The following GPHN variants were observed in gnomAD, a reference collection of about 807,000 sequenced individuals.
GPHN encodes the protein gephyrin.
A neutral mutation model predicts 95.5 loss-of-function variants in GPHN; 17 were observed. The observed-to-expected ratio is 0.18, with a 90% CI of 0.12 to 0.27. The LOEUF is 0.27. Ranked by LOEUF, GPHN falls within the 10% of genes least tolerant of loss-of-function variation. GPHN has a pLI of 1.00. For synonymous variants in GPHN, 320 were observed against 322.5 expected, an observed-to-expected ratio of 0.99 and a Z score of 0.08; for missense variants, 660 against 978.1, an observed-to-expected ratio of 0.67 and a Z score of 4.34.
chr14:66,885,837 T>TAA (rs1421887904), intron 5 of GPHN, among the ~76,000 whole-genome samples: 7 of 121,490 alleles, frequency 5.8e-5, no homozygotes, highest in Admixed American at 8.1e-5. Context: ...TTATAACAAT[T>TAA]TAAAAAAAAA....
chr14:67,243,965 A>G, the GPHN span, among the ~76,000 whole-genome samples: 3 of 152,204 alleles, frequency 2.0e-5, no homozygotes, highest in Non-Finnish European at 4.4e-5. Flanking sequence ...TTGGAACTAC[A>G]TGAATGCTAA....
intron 2 of GPHN, among the ~76,000 whole-genome samples, chr14:66,695,771 G>A (rs955810482): frequency 6.6e-6 from 1 of 152,164 alleles, no homozygotes; most frequent in Non-Finnish European, 1.5e-5. Context: ...GCTACACATT[G>A]TAAGTATCCA....
the GPHN span, chr14:67,724,485 T>G: frequency 3.1e-6 from 5 of 1,609,822 alleles, no homozygotes; most frequent in Non-Finnish European, 4.2e-6. Flanking sequence ...AGTTCTTTGC[T>G]GGTGGAGTGT....
chr14:67,032,967 A>C (rs998110882), intron 10 of GPHN, among the ~76,000 whole-genome samples: 1 of 152,240 alleles, frequency 6.6e-6, no homozygotes, highest in Non-Finnish European at 1.5e-5. Context: ...AATAATTCAA[A>C]ATAATTACCT....
At chr14:66,838,670 A>G (rs1036349012) in intron 4 of GPHN, among the ~76,000 whole-genome samples, 5 of 152,186 alleles carry the variant, frequency 3.3e-5, no homozygotes, top group Non-Finnish European at 7.4e-5. Flanking sequence ...ATATTTATCT[A>G]GAGACATAGT....
chr14:67,293,098 TTA>T, the GPHN span, among the ~76,000 whole-genome samples: 2 of 152,238 alleles, frequency 1.3e-5, no homozygotes, highest in Admixed American at 6.5e-5. Context: ...TAATCAGGCA[TTA>T]TATAACGCCT....
chr14:67,099,678 G>A (rs1462941808), intron 12 of GPHN, among the ~76,000 whole-genome samples: 2 of 151,912 alleles, frequency 1.3e-5, no homozygotes, highest in African/African-American at 2.4e-5. Context: ...GCTAACCAAA[G>A]CCATTTATGC....
the GPHN span, among the ~76,000 whole-genome samples, chr14:67,277,679 G>A: frequency 6.6e-6 from 1 of 152,054 alleles, no homozygotes. Flanking sequence ...CTGAGAAATA[G>A]CTTGATGAAA....
intron 1 of GPHN, among the ~76,000 whole-genome samples, chr14:66,631,685 T>A (rs1331662111): frequency 6.6e-6 from 1 of 152,150 alleles, no homozygotes; most frequent in Non-Finnish European, 1.5e-5. Context: ...GTAGGAGGAT[T>A]TTTTATTGTA....
In GPHN at chr14:67,141,789, C is replaced by T. The variant is rs567375012; in HGVS notation, c.1749-1573C>T. On this transcript the variant is annotated intron_variant, in intron 17 of 22. Coordinates refer to ENST00000478722, the MANE Select transcript of GPHN (RefSeq NM_020806.5). ...TCTCAAGTTCTGCCTACCTCTGTCA[C>T]ACCTGGATAAAAATTGAAATTATAT... Among the ~76,000 whole-genome samples, 27 of 152,304 alleles carry T rather than the reference C, an allele frequency of 1.8e-4. 1 individual carries two copies. The South Asian group carries it at 5.6e-3, about 32-fold the overall frequency.
intron 9 of GPHN, among the ~76,000 whole-genome samples, chr14:66,972,358 A>G (rs147454066): frequency 0.015 from 2,286 of 151,976 alleles, 33 homozygotes; most frequent in Non-Finnish European, 0.018. Context: ...TCTTAAATTG[A>G]CAGACTTTGT....
Position 66,559,517 on chromosome 14 carries a change from T to G in GPHN, c.64+50926T>G, listed in dbSNP as rs561931478. ...ATGATGAGCATTTTTTCATGTGTTTTTTGGCTGCATAAATGTCTTCTTTTG... is the reference window on the plus strand; with the variant it reads ...ATGATGAGCATTTTTTCATGTGTTTGTTGGCTGCATAAATGTCTTCTTTTG... On this transcript the variant is annotated intron_variant, in intron 1 of 22. Coordinates refer to ENST00000478722, the MANE Select transcript of GPHN (RefSeq NM_020806.5). 4.6e-5 allele frequency among the ~76,000 whole-genome samples: 7 copies of G among 151,544 alleles called. No homozygotes were observed. In the South Asian group the frequency reaches 1.3e-3, roughly 27 times the overall value.
At position 66,842,586 on chromosome 14, in the gene GPHN, T is replaced by C. The variant is rs545473172; in HGVS notation, c.294+18020T>C. On this transcript the variant is annotated intron_variant, in intron 4 of 22. Transcript: ENST00000478722. ...GAGAAGGTTCAGGCTGGTTCTTATT[T>C]CCCTGAACCAGTTTGTACAGCCCTA... is the stretch of plus-strand genomic sequence containing the variant. 3.8e-5 allele frequency: 32 copies of C among 838,116 alleles called. No homozygotes were observed. In the African/African-American group the frequency reaches 4.8e-4, roughly 12 times the overall value. The allele number at this position is 838,116 out of a possible 1,614,324, so 51.9% of individuals were successfully genotyped here. A position where few individuals can be genotyped will look rare whatever the true frequency, so the allele number is the denominator to read the frequency against.
intron 3 of GPHN, among the ~76,000 whole-genome samples, chr14:66,821,983 GCT>G (rs1401907584): frequency 1.6e-4 from 25 of 152,232 alleles, no homozygotes; most frequent in African/African-American, 5.8e-4. Flanking sequence ...ACGGAGTCTT[GCT>G]CTGTTACTCA....
At chr14:67,707,016 T>C in the GPHN span, among the ~76,000 whole-genome samples, 1 of 152,234 alleles carries the variant, frequency 6.6e-6, no homozygotes, top group Non-Finnish European at 1.5e-5. Context: ...CACATTACTC[T>C]GTAGTCCATA....
chr14:66,516,704 A>T (rs1309343654), intron 1 of GPHN, among the ~76,000 whole-genome samples: 1 of 152,256 alleles, frequency 6.6e-6, no homozygotes, highest in Non-Finnish European at 1.5e-5. Flanking sequence ...GATTAAGTGC[A>T]ATTTGAATGC....
intron 1 of GPHN, among the ~76,000 whole-genome samples, chr14:66,612,451 A>G (rs1250444717): frequency 2.6e-5 from 4 of 152,058 alleles, no homozygotes; most frequent in African/African-American, 7.2e-5. Context: ...AATAAACACA[A>G]TGAAGTTTAT....
At chr14:67,494,241 T>G in the GPHN span, among the ~76,000 whole-genome samples, 9 of 152,222 alleles carry the variant, frequency 5.9e-5, no homozygotes. Context: ...ATTAACCATG[T>G]AATTAGACTG....
intron 1 of GPHN, among the ~76,000 whole-genome samples, chr14:66,677,197 T>A (rs2066653758): frequency 6.6e-6 from 1 of 152,134 alleles, no homozygotes; most frequent in Non-Finnish European, 1.5e-5. Context: ...GTCTAGCTAC[T>A]GGTTTGTAAA....
Sources: allele counts gnomAD v4.1 joint callset (sites outside exome capture counted in the v4.1 genomes callset), GRCh38; gene constraint gnomAD v4.1.1; transcripts MANE v1.5; gene names NCBI Gene and HGNC (gene_info 2026-07-23, HGNC 2026-07-21).